The following GTF3C2 variants were observed in gnomAD, a reference collection of about 807,000 sequenced individuals.
GTF3C2 encodes general transcription factor 3C polypeptide 2.
GTF3C2 carries 17 observed loss-of-function variants against 117.4 expected under a neutral mutation model. That is an observed-to-expected ratio of 0.14 (90% CI 0.10 to 0.22). The LOEUF (loss-of-function observed/expected upper bound fraction) is 0.22, where lower values mean the gene tolerates loss of function less well. Among genes scored for constraint, GTF3C2 ranks in the 10% least tolerant of loss-of-function variants. The pLI is 1.00. For synonymous variants in GTF3C2, 437 were observed against 427.0 expected, an observed-to-expected ratio of 1.02 and a Z score of -0.29; for missense variants, 888 against 1,143.6, an observed-to-expected ratio of 0.78 and a Z score of 3.22.
At chr2:27,331,150 G>T (rs1479887660) in intron 12 of GTF3C2, among the ~76,000 whole-genome samples, 2 of 152,152 alleles carry the variant, frequency 1.3e-5, no homozygotes, top group Non-Finnish European at 2.9e-5. Context: ...ACTGGTAGAG[G>T]CACTCAATCA....
At chr2:27,351,099 A>G (rs1681118220) in intron 1 of GTF3C2, among the ~76,000 whole-genome samples, 1 of 151,880 alleles carries the variant, frequency 6.6e-6, no homozygotes, top group Admixed American at 6.6e-5. Flanking sequence ...CTCACAGAGC[A>G]AGACCCTGTA....
At chr2:27,326,846 C>A in exon 19 of GTF3C2, 1 of 1,613,930 alleles carries the variant, frequency 6.2e-7, no homozygotes. Context: ...CTGACTGCCC[C>A]CCAGATACCA....
At position 27,328,450 on chromosome 2, in the gene GTF3C2, A is replaced by G; in HGVS notation, c.2256+18T>C. ...GGGTTAGGATCCAACAGCTGCTGTT[A>G]GATGTTCGTATACGTACAAATCTTC... is the stretch of plus-strand genomic sequence containing the variant. On this transcript the variant is annotated intron_variant, in intron 16 of 18. Coordinates refer to ENST00000264720, the Ensembl canonical transcript of GTF3C2. 6.2e-7 allele frequency: 1 copy of G among 1,612,482 alleles called. No homozygotes were observed. The highest frequency in any genetic ancestry group is 2.2e-5 in the East Asian group (1 of 44,878).
intron 10 of GTF3C2, chr2:27,335,304 C>A (rs1258043977): frequency 1.8e-6 from 1 of 553,030 alleles, no homozygotes; most frequent in Non-Finnish European, 3.6e-6. Context: ...AAGCCCTCAG[C>A]AGCTCTTTAC....
At chr2:27,353,138 T>C (rs1024202485) in intron 1 of GTF3C2, among the ~76,000 whole-genome samples, 2 of 152,192 alleles carry the variant, frequency 1.3e-5, no homozygotes, top group Non-Finnish European at 2.9e-5. Flanking sequence ...CTCATGCCTG[T>C]AATCTCAGCA....
At chr2:27,342,376 T>G (rs1238225284) in intron 3 of GTF3C2, 143 bp from the exon 4 acceptor site, 2 of 679,740 alleles carry the variant, frequency 2.9e-6, no homozygotes, top group Non-Finnish European at 4.7e-6. Context: ...CCTTCCCCCT[T>G]GGAAGATGAA....
chr2:27,335,614 C>T, exon 10 of GTF3C2: 8 of 1,549,828 alleles, frequency 5.2e-6, no homozygotes, highest in Non-Finnish European at 7.0e-6. Context: ...GTTGCTGAGC[C>T]AGCAGGGCCT....
At chr2:27,338,118 T>C (rs1680563600) in intron 4 of GTF3C2, 98 bp from the exon 5 acceptor site, 2 of 778,942 alleles carry the variant, frequency 2.6e-6, no homozygotes, top group Non-Finnish European at 4.7e-6. Flanking sequence ...TCTTTGGCAA[T>C]ACCTCCCCCT....
At position 27,347,034 on chromosome 2, in the gene GTF3C2, A is replaced by G. The variant is rs1680941795; in HGVS notation, c.-24-3456T>C. 2.6e-5 allele frequency among the ~76,000 whole-genome samples: 4 copies of G among 152,188 alleles called. No homozygotes were observed. In the South Asian group the frequency reaches 8.3e-4, roughly 31 times the overall value. On this transcript the variant is annotated intron_variant, in intron 1 of 18. Coordinates refer to ENST00000264720, the Ensembl canonical transcript of GTF3C2. ...ACATTGAAGAATTGACTAAATTGTC[A>G]TGAGTCTTCATTTTCTTCAAACCCC...
exon 15 of GTF3C2, chr2:27,328,922 G>C: frequency 6.2e-7 from 1 of 1,601,664 alleles, no homozygotes; most frequent in Non-Finnish European, 8.6e-7. Context: ...GAATCCCACA[G>C]AGTCCATAAC....
exon 2 of GTF3C2, chr2:27,343,414 A>G: frequency 6.2e-7 from 1 of 1,614,036 alleles, no homozygotes. Flanking sequence ...TCTCTACGGA[A>G]GCCTCTGCAC....
chr2:27,329,489 T>A lies in GTF3C2; in HGVS notation c.1767A>T (p.Ser589=), dbSNP rs1416340375. The change falls in exon 13 of 19, where the codon TCA becomes TCT. Residue 589 remains serine (S), a synonymous_variant. Transcript: ENST00000264720. This position sits in a 1 kb window ranked among gnomAD's most constrained non-coding sequence, Gnocchi z 4.5. Reference sequence around the variant, plus strand: ...CAGAGAGCCGTATCCGCTGCAGGGGTGAGTTAGTGGGAAGGTTCCAGAAAA... The same window carrying A: ...CAGAGAGCCGTATCCGCTGCAGGGGAGAGTTAGTGGGAAGGTTCCAGAAAA... 1.2e-5 allele frequency: 20 copies of A among 1,613,486 alleles called. No individual in the cohort carries two copies. Among genetic ancestry groups the A allele is most frequent in the Non-Finnish European group, 1.7e-5 (20 of 1,179,580 alleles).
At chr2:27,352,422 T>G (rs1343560441) in intron 1 of GTF3C2, among the ~76,000 whole-genome samples, 2 of 152,204 alleles carry the variant, frequency 1.3e-5, no homozygotes, top group East Asian at 3.8e-4. Context: ...AAGCTAATAC[T>G]CCCTGCCTCT....
At chr2:27,334,645 AT>A (rs67035659) in intron 10 of GTF3C2, among the ~76,000 whole-genome samples, 6,835 of 143,926 alleles carry the variant, frequency 0.047, 177 homozygotes, top group African/African-American at 0.076. Flanking sequence ...TCACAGCGAA[AT>A]TTTTTTTTTT....
At chr2:27,331,697 G>A (rs1403560481) in intron 12 of GTF3C2, among the ~76,000 whole-genome samples, 3 of 152,126 alleles carry the variant, frequency 2.0e-5, no homozygotes, top group East Asian at 3.9e-4. Flanking sequence ...CAGCACTTTA[G>A]GAGGCTGAGG....
chr2:27,346,305 T>A (rs1680913310), intron 1 of GTF3C2, among the ~76,000 whole-genome samples: 1 of 148,460 alleles, frequency 6.7e-6, no homozygotes, highest in Non-Finnish European at 1.5e-5. Flanking sequence ...ATTATAGGTG[T>A]TAGCCACCGT....
At chr2:27,333,941 A>G in intron 11 of GTF3C2, 33 bp downstream of exon 11, 1 of 1,568,856 alleles carries the variant, frequency 6.4e-7, no homozygotes, top group Non-Finnish European at 8.8e-7. Flanking sequence ...AAGAAGATGG[A>G]GCCTCAGCTA....
At chr2:27,328,328 G>A (rs780089717) in intron 16 of GTF3C2, 139 bp from the exon 17 acceptor site, 69 of 1,043,106 alleles carry the variant, frequency 6.6e-5, no homozygotes, top group Non-Finnish European at 9.9e-5. Flanking sequence ...GTACGGTAGG[G>A]AAGATTATAT....
chr2:27,346,016 CTTTTTTT>C lies in GTF3C2; in HGVS notation c.-24-2445_-24-2439del, dbSNP rs70953853. ...AGACTTGAGCCACTGTGCCCCGCCACTTTTTTTTTTTTTTTTTTTTTTGAGACACGCT... is the reference window on the plus strand; with the variant it reads ...AGACTTGAGCCACTGTGCCCCGCCACTTTTTTTTTTTTTTTGAGACACGCT... On this transcript the variant is annotated intron_variant, in intron 1 of 18. Coordinates refer to ENST00000264720, the Ensembl canonical transcript of GTF3C2. Among the ~76,000 whole-genome samples, 196 of 97,890 alleles carry C rather than the reference CTTTTTTT, an allele frequency of 2.0e-3. 1 individual carries two copies. Among genetic ancestry groups the C allele is most frequent in the African/African-American group, 8.8e-3 (186 of 21,218 alleles). 64.2% of individuals were successfully genotyped at this position (97,890 alleles called of 152,430 possible). A position where few individuals can be genotyped will look rare whatever the true frequency, so the allele number is the denominator to read the frequency against.
Sources: gnomAD v4.1 joint callset for allele counts (sites outside exome capture counted in the v4.1 genomes callset) on GRCh38, gnomAD v4.1.1 for gene constraint, Gnocchi (gnomAD v3.1) non-coding constraint, MANE v1.5 for transcripts, NCBI Gene and HGNC (gene_info 2026-07-23, HGNC 2026-07-21) for gene names.